The following SH3RF3 variants were observed in gnomAD, a reference collection of about 807,000 sequenced individuals.
SH3RF3 encodes the protein E3 ubiquitin-protein ligase SH3RF3.
In SH3RF3, 29 loss-of-function variants were observed where a neutral mutation model predicts 66.3. That is an observed-to-expected ratio of 0.44 (90% CI 0.33 to 0.60). The LOEUF (loss-of-function observed/expected upper bound fraction) is 0.60, where lower values mean the gene tolerates loss of function less well. Ranked by LOEUF, SH3RF3 falls within the 20% of genes least tolerant of loss-of-function variation. The pLI is 0.04. For missense variants in SH3RF3, 1,194 were observed against 1,190.9 expected (o/e 1.00, Z -0.04); for synonymous variants, 583 against 532.0 (o/e 1.10, Z -1.32).
At position 109,322,376 on chromosome 2, in the gene SH3RF3, C is replaced by T. The variant is rs1365323161; in HGVS notation, c.574-25298C>T. On this transcript the variant is annotated intron_variant, in intron 1 of 9. Transcript: ENST00000309415. ...ACATGTGCCGAAATGTTCCCACAGG[C>T]AGACTAGGCAGTTGGGGTGGCAGGA... 2.0e-5 allele frequency among the ~76,000 whole-genome samples: 3 copies of T among 152,184 alleles called. No homozygotes were observed. In the South Asian group the frequency reaches 6.2e-4, roughly 32 times the overall value.
At chr2:109,430,439 A>T (rs1020390595) in intron 5 of SH3RF3, among the ~76,000 whole-genome samples, 3 of 151,678 alleles carry the variant, frequency 2.0e-5, no homozygotes, top group Non-Finnish European at 4.4e-5. Context: ...GGCTGTGTGG[A>T]AGCCACCCTC....
At chr2:109,466,262 T>A (rs1205385842) in intron 8 of SH3RF3, among the ~76,000 whole-genome samples, 2 of 152,004 alleles carry the variant, frequency 1.3e-5, no homozygotes, top group African/African-American at 4.8e-5. Flanking sequence ...TTTGTATTTT[T>A]AGTAGAGACG....
intron 2 of SH3RF3, among the ~76,000 whole-genome samples, chr2:109,360,904 T>C (rs964956288): frequency 1.6e-4 from 25 of 152,228 alleles, no homozygotes; most frequent in African/African-American, 5.8e-4. Context: ...TTGATCTTAG[T>C]GGGAAAGTTT....
chr2:109,186,504 G>A (rs1023455242), intron 1 of SH3RF3, among the ~76,000 whole-genome samples: 6 of 152,184 alleles, frequency 3.9e-5, no homozygotes, highest in Non-Finnish European at 8.8e-5. Context: ...AAAGCATGTA[G>A]GGCCAGTTAC....
chr2:109,251,917 T>C (rs945942711), intron 1 of SH3RF3, among the ~76,000 whole-genome samples: 6 of 152,138 alleles, frequency 3.9e-5, no homozygotes, highest in African/African-American at 1.2e-4. Flanking sequence ...CTTATGTTCT[T>C]AAATCGGCAA....
intron 1 of SH3RF3, among the ~76,000 whole-genome samples, chr2:109,313,900 GA>G (rs1349110043): frequency 1.3e-5 from 1 of 75,536 alleles, no homozygotes; most frequent in African/African-American, 1.2e-4. Flanking sequence ...GGAGATATTT[GA>G]AAGGTGTGTT....
intron 1 of SH3RF3, among the ~76,000 whole-genome samples, chr2:109,225,910 C>G (rs982339153): frequency 6.6e-6 from 1 of 152,166 alleles, no homozygotes; most frequent in Non-Finnish European, 1.5e-5. Context: ...GGACTATAGT[C>G]GCTTTCCACC....
chr2:109,419,524 CTT>C lies in SH3RF3; in HGVS notation c.1300-14_1300-13del. On this transcript the variant is annotated splice_polypyrimidine_tract_variant and intron_variant, in intron 4 of 9. Coordinates refer to ENST00000309415, the MANE Select transcript of SH3RF3 (RefSeq NM_001099289.3). ...CTCTGTCTCCTCACTCCTGTCCCCT[CTT>C]GTCTGTTTCCAGGATGTCTCCTCCT... 6.3e-7 allele frequency: 1 copy of C among 1,580,854 alleles called. No individual in the cohort carries two copies. Among genetic ancestry groups the C allele is most frequent in the East Asian group, 2.3e-5 (1 of 43,296 alleles).
At chr2:109,497,293 G>A (rs370616705) in intron 9 of SH3RF3, among the ~76,000 whole-genome samples, 7 of 152,168 alleles carry the variant, frequency 4.6e-5, no homozygotes, top group South Asian at 2.1e-4. Flanking sequence ...GGGCTCATTC[G>A]TCTTCCTGTG....
chr2:109,288,077 A>G (rs1013992530), intron 1 of SH3RF3, among the ~76,000 whole-genome samples: 2 of 152,242 alleles, frequency 1.3e-5, no homozygotes, highest in Non-Finnish European at 2.9e-5. Flanking sequence ...TAGCCTTAAT[A>G]TAGTCTCATG....
chr2:109,494,179 A>G (rs1558645447), intron 9 of SH3RF3, among the ~76,000 whole-genome samples: 1 of 152,230 alleles, frequency 6.6e-6, no homozygotes, highest in Non-Finnish European at 1.5e-5. Flanking sequence ...AAGTATTGAA[A>G]GACCCTGTTT....
At chr2:109,424,516 T>C (rs1329330965) in intron 5 of SH3RF3, among the ~76,000 whole-genome samples, 1 of 152,232 alleles carries the variant, frequency 6.6e-6, no homozygotes, top group Non-Finnish European at 1.5e-5. Flanking sequence ...CAACCCAGCA[T>C]CCACCAAGTC....
At chr2:109,343,808 G>A (rs976939399) in intron 1 of SH3RF3, among the ~76,000 whole-genome samples, 6 of 151,178 alleles carry the variant, frequency 4.0e-5, no homozygotes, top group African/African-American at 4.9e-5. Flanking sequence ...GCAGTGGTAC[G>A]ATCATTGCTC....
chr2:109,224,312 A>G (rs967917578), intron 1 of SH3RF3, among the ~76,000 whole-genome samples: 5 of 152,254 alleles, frequency 3.3e-5, no homozygotes, highest in African/African-American at 1.2e-4. Context: ...CTAAAACTAT[A>G]TGTCACATAT....
intron 1 of SH3RF3, among the ~76,000 whole-genome samples, chr2:109,319,066 C>A (rs1473103637): frequency 6.6e-6 from 1 of 152,174 alleles, no homozygotes; most frequent in Non-Finnish European, 1.5e-5. Flanking sequence ...TGTATCCTGC[C>A]TGGAACAGCT....
chr2:109,304,317 A>G (rs1208933690), intron 1 of SH3RF3, among the ~76,000 whole-genome samples: 1 of 152,190 alleles, frequency 6.6e-6, no homozygotes, highest in Non-Finnish European at 1.5e-5. Context: ...TTTAGCTCCA[A>G]CATATAAGTG....
At chr2:109,482,396 G>T (rs553715738) in intron 8 of SH3RF3, among the ~76,000 whole-genome samples, 1 of 152,262 alleles carries the variant, frequency 6.6e-6, no homozygotes, top group South Asian at 2.1e-4. Flanking sequence ...AAATACCAGG[G>T]ACACCCAGCT....
At chr2:109,162,847 C>T (rs1677521123) in intron 1 of SH3RF3, among the ~76,000 whole-genome samples, 1 of 150,742 alleles carries the variant, frequency 6.6e-6, no homozygotes. Flanking sequence ...GTCCTTTTCT[C>T]ACCTTGGTAT....
intron 8 of SH3RF3, among the ~76,000 whole-genome samples, chr2:109,457,181 A>G (rs1262735569): frequency 2.0e-5 from 3 of 152,246 alleles, no homozygotes; most frequent in Admixed American, 2.0e-4. Flanking sequence ...AATGCATAAC[A>G]TAGTATTTAG....
Sources: gnomAD v4.1 joint callset for allele counts (sites outside exome capture counted in the v4.1 genomes callset) on GRCh38, gnomAD v4.1.1 for gene constraint, MANE v1.5 for transcripts, NCBI Gene and HGNC (gene_info 2026-07-23, HGNC 2026-07-21) for gene names.